Variants in SYCP1 observed in about 807,000 individuals in gnomAD.
SYCP1 encodes synaptonemal complex protein 1.
A neutral mutation model predicts 153.1 loss-of-function variants in SYCP1; 64 were observed. The ratio of observed to expected loss-of-function variants is 0.42; its 90% CI spans 0.34 to 0.51. SYCP1 has a LOEUF of 0.51. Among genes scored for constraint, SYCP1 ranks in the 20% least tolerant of loss-of-function variants. SYCP1 has a pLI of 0.06. For missense variants in SYCP1, 997 were observed against 1,049.0 expected, an observed-to-expected ratio of 0.95 and a Z score of 0.68; for synonymous variants, 384 against 341.8, an observed-to-expected ratio of 1.12 and a Z score of -1.36.
At chr1:114,875,345 C>A (rs360632) in intron 9 of SYCP1, among the ~76,000 whole-genome samples, 1 of 149,226 alleles carries the variant, frequency 6.7e-6, no homozygotes, top group East Asian at 2.0e-4. Flanking sequence ...ACTGCAAGCT[C>A]CGCCTCTCGG....
intron 16 of SYCP1, among the ~76,000 whole-genome samples, chr1:114,897,943 C>T (rs573876830): frequency 6.6e-6 from 1 of 152,316 alleles, no homozygotes; most frequent in South Asian, 2.1e-4. Context: ...AGTATCTGCT[C>T]TTACCCACAT....
intron 8 of SYCP1, among the ~76,000 whole-genome samples, chr1:114,864,572 C>T (rs1570654845): frequency 6.6e-6 from 1 of 151,892 alleles, no homozygotes; most frequent in East Asian, 1.9e-4. Flanking sequence ...CACCATAACC[C>T]CCGCATCCCA....
chr1:114,889,084 T>C (rs1666513651), intron 15 of SYCP1, among the ~76,000 whole-genome samples: 1 of 152,238 alleles, frequency 6.6e-6, no homozygotes, highest in East Asian at 1.9e-4. Context: ...ATGTGCTACA[T>C]TTTCTTTATC....
intron 29 of SYCP1, among the ~76,000 whole-genome samples, chr1:114,984,299 A>G (rs1673357566): frequency 6.6e-6 from 1 of 152,112 alleles, no homozygotes; most frequent in Non-Finnish European, 1.5e-5. Context: ...TACTTTACCA[A>G]TATAAAAATA....
intron 12 of SYCP1, among the ~76,000 whole-genome samples, chr1:114,879,716 T>G (rs1432286300): frequency 6.6e-6 from 1 of 152,194 alleles, no homozygotes; most frequent in Non-Finnish European, 1.5e-5. Context: ...TTCTATATGA[T>G]TCCTGTAGAC....
chr1:114,981,155 CAAGTA>C (rs1284348911), intron 28 of SYCP1, among the ~76,000 whole-genome samples, 176 bp from the exon 29 acceptor site: 1 of 151,898 alleles, frequency 6.6e-6, no homozygotes, highest in African/African-American at 2.4e-5. Context: ...CTTAAATGGA[CAAGTA>C]AAGTGACAAA....
chr1:114,969,766 C>G (rs1004609114), intron 27 of SYCP1, among the ~76,000 whole-genome samples: 3 of 152,282 alleles, frequency 2.0e-5, no homozygotes, highest in Admixed American at 2.0e-4. Flanking sequence ...ACCCAGGGCC[C>G]TGGTTGTGTA....
At chr1:114,938,484 A>C (rs907366625) in intron 23 of SYCP1, among the ~76,000 whole-genome samples, 5 of 152,192 alleles carry the variant, frequency 3.3e-5, no homozygotes, top group African/African-American at 1.2e-4. Context: ...CCAACATGGC[A>C]CATGTATATG....
chr1:114,944,257 C>T, intron 23 of SYCP1, 82 bp from the exon 24 acceptor site: 1 of 827,860 alleles, frequency 1.2e-6, no homozygotes, highest in Non-Finnish European at 1.9e-6. Context: ...CTAAGATTCA[C>T]AAAACCACAA....
At chr1:114,875,174 A>G (rs2488950) in intron 9 of SYCP1, among the ~76,000 whole-genome samples, 20 of 139,566 alleles carry the variant, frequency 1.4e-4, no homozygotes, top group African/African-American at 4.0e-4. Context: ...TGTATTTGAT[A>G]TGTGTGTGTG....
Position 114,923,572 on chromosome 1 carries a change from A to G in SYCP1, c.1800+42A>G, listed in dbSNP as rs566844540. 2.7e-6 allele frequency: 4 copies of G among 1,504,504 alleles called. No homozygotes were observed. The South Asian group carries it at 3.7e-5, about 14-fold the overall frequency. 93.2% of individuals were successfully genotyped at this position (1,504,504 alleles called of 1,614,324 possible). On this transcript the variant is annotated intron_variant, in intron 21 of 31. Transcript: ENST00000369522. Reference sequence around the variant, plus strand: ...AATGGATCGTATCACAAAATTTCAAATTATAAAAGCAACACCATATGTCTA... The same window carrying G: ...AATGGATCGTATCACAAAATTTCAAGTTATAAAAGCAACACCATATGTCTA...
At chr1:114,984,978 C>A in intron 30 of SYCP1, 110 bp downstream of exon 30, 1 of 475,938 alleles carries the variant, frequency 2.1e-6, no homozygotes, top group Non-Finnish European at 3.2e-6. Context: ...CATTGCAATA[C>A]TGATATACAG....
chr1:114,968,091 C>A (rs2101903959), intron 27 of SYCP1, among the ~76,000 whole-genome samples: 1 of 152,318 alleles, frequency 6.6e-6, no homozygotes, highest in African/African-American at 2.4e-5. Context: ...CCCGACCTTT[C>A]TCTCTGGCTG....
chr1:114,974,604 C>G (rs529521040), intron 27 of SYCP1, among the ~76,000 whole-genome samples: 1 of 151,914 alleles, frequency 6.6e-6, no homozygotes, highest in Non-Finnish European at 1.5e-5. Context: ...GCTTATGTGA[C>G]TGGCTTATTT....
chr1:114,881,056 T>C (rs61811048), intron 12 of SYCP1, among the ~76,000 whole-genome samples: 30,183 of 145,012 alleles, frequency 0.21, 3,989 homozygotes, highest in South Asian at 0.34. Flanking sequence ...TTTGTGTATA[T>C]ACACACACAC....
intron 30 of SYCP1, among the ~76,000 whole-genome samples, chr1:114,988,326 C>A (rs781017172): frequency 6.6e-6 from 1 of 151,806 alleles, no homozygotes; most frequent in Non-Finnish European, 1.5e-5. Flanking sequence ...TACAAATTCA[C>A]GAAGCTCAAC....
chr1:114,862,626 A>T (rs2101323446), intron 8 of SYCP1, among the ~76,000 whole-genome samples: 2 of 152,260 alleles, frequency 1.3e-5, no homozygotes, highest in Non-Finnish European at 2.9e-5. Context: ...GGCGTGAGCC[A>T]CTGCGCTGGG....
At chr1:114,945,097 A>AC (rs1454747302) in intron 25 of SYCP1, 115 bp downstream of exon 25, 1 of 743,272 alleles carries the variant, frequency 1.3e-6, no homozygotes, top group Non-Finnish European at 2.1e-6. Flanking sequence ...TGTCTATGCA[A>AC]CAGTGACTGT....
chr1:114,965,456 C>T (rs1297295559), intron 27 of SYCP1, among the ~76,000 whole-genome samples: 2 of 152,116 alleles, frequency 1.3e-5, no homozygotes, highest in African/African-American at 2.4e-5. Flanking sequence ...GGGAATACTT[C>T]CAGGTTTGGC....
Sources: gnomAD v4.1 joint callset for allele counts (sites outside exome capture counted in the v4.1 genomes callset) on GRCh38, gnomAD v4.1.1 for gene constraint, MANE v1.5 for transcripts, NCBI Gene and HGNC (gene_info 2026-07-23, HGNC 2026-07-21) for gene names.